The following ZFR variants were observed in gnomAD, a reference collection of about 807,000 sequenced individuals.
The protein encoded by ZFR is zinc finger RNA binding protein.
In ZFR, 19 loss-of-function variants were observed where a neutral mutation model predicts 130.7. The observed-to-expected ratio is 0.15, with a 90% CI of 0.10 to 0.21. The LOEUF is 0.21. Among genes scored for constraint, ZFR ranks in the 10% least tolerant of loss-of-function variants. The probability of loss-of-function intolerance (pLI) is 1.00; values close to 1 mark genes in which losing one functional copy is unlikely to be tolerated. For synonymous variants in ZFR, 466 were observed against 456.9 expected (o/e 1.02, Z -0.25); for missense variants, 872 against 1,321.5 (o/e 0.66, Z 5.27).
At chr5:32,373,790 C>A (rs1245495876) in intron 17 of ZFR, among the ~76,000 whole-genome samples, 2 of 151,952 alleles carry the variant, frequency 1.3e-5, no homozygotes, top group Non-Finnish European at 2.9e-5. Context: ...TACCAAAATA[C>A]TAATGTATTT....
At chr5:32,413,050 G>A (rs1301260656) in intron 5 of ZFR, among the ~76,000 whole-genome samples, 2 of 152,068 alleles carry the variant, frequency 1.3e-5, no homozygotes, top group African/African-American at 4.8e-5. Context: ...TTAGCCAGGC[G>A]TGGTGGCGCA....
intron 8 of ZFR, 46 bp downstream of exon 8, chr5:32,403,060 C>T (rs969030975): frequency 6.4e-7 from 1 of 1,574,068 alleles, no homozygotes; most frequent in African/African-American, 1.3e-5. Context: ...GGAGAAGAAA[C>T]AACACTTTGA....
chr5:32,380,361 A>G, intron 15 of ZFR, 189 bp from the exon 16 acceptor site: 1 of 456,624 alleles, frequency 2.2e-6, no homozygotes, highest in Non-Finnish European at 4.0e-6. Flanking sequence ...TTAACTTATT[A>G]ATTTAGTAAT....
intron 19 of ZFR, among the ~76,000 whole-genome samples, chr5:32,358,379 G>A (rs1395337021): frequency 6.6e-6 from 1 of 152,094 alleles, no homozygotes; most frequent in African/African-American, 2.4e-5. Context: ...GAAAATTTAA[G>A]GCCGGGCGCG....
At chr5:32,438,218 T>A (rs1181603171) in intron 2 of ZFR, among the ~76,000 whole-genome samples, 1 of 148,284 alleles carries the variant, frequency 6.7e-6, no homozygotes, top group Non-Finnish European at 1.5e-5. Context: ...AATTCAATAT[T>A]GATGAAACAA....
At chr5:32,393,859 G>A (rs1753235966) in intron 11 of ZFR, among the ~76,000 whole-genome samples, 1 of 151,974 alleles carries the variant, frequency 6.6e-6, no homozygotes, top group South Asian at 2.1e-4. Context: ...CAGTAATATC[G>A]CCTCAATAGG....
At chr5:32,408,047 C>T (rs1200530755) in intron 5 of ZFR, among the ~76,000 whole-genome samples, 2 of 149,466 alleles carry the variant, frequency 1.3e-5, no homozygotes, top group African/African-American at 2.6e-5. Flanking sequence ...TCAGTGCATG[C>T]TTTATTTTTA....
At chr5:32,387,499 A>G (rs1360630734) in intron 14 of ZFR, 50 bp downstream of exon 14, 1 of 1,591,280 alleles carries the variant, frequency 6.3e-7, no homozygotes, top group African/African-American at 1.4e-5. Context: ...TCCCGCCAAA[A>G]ACTTCTGAAC....
intron 2 of ZFR, among the ~76,000 whole-genome samples, chr5:32,429,597 G>A (rs1486190406): frequency 6.6e-6 from 1 of 152,094 alleles, no homozygotes; most frequent in Non-Finnish European, 1.5e-5. Flanking sequence ...GAAATGCATG[G>A]GACCAGAAGT....
chr5:32,427,297 A>G (rs2111841840), intron 2 of ZFR, among the ~76,000 whole-genome samples: 1 of 145,428 alleles, frequency 6.9e-6, no homozygotes, highest in East Asian at 2.2e-4. Context: ...GGTGGCTGGG[A>G]TCACCTGAGC....
At chr5:32,373,306 T>C (rs978683129) in intron 17 of ZFR, among the ~76,000 whole-genome samples, 6 of 152,048 alleles carry the variant, frequency 3.9e-5, no homozygotes, top group Admixed American at 2.0e-4. Flanking sequence ...CACAGGAGAA[T>C]TGCTTGAACC....
chr5:32,440,299 C>G (rs116358376), intron 2 of ZFR, among the ~76,000 whole-genome samples: 99 of 152,294 alleles, frequency 6.5e-4, no homozygotes, highest in Non-Finnish European at 1.2e-3. Flanking sequence ...GAAACGTACA[C>G]ATGTAAACAC....
chr5:32,426,878 C>T (rs1754084965), intron 2 of ZFR, among the ~76,000 whole-genome samples: 1 of 141,408 alleles, frequency 7.1e-6, no homozygotes, highest in Non-Finnish European at 1.5e-5. Context: ...GCACTCCAGC[C>T]TGGATGACAA....
At chr5:32,379,411 C>A in intron 16 of ZFR, 2 of 581,368 alleles carry the variant, frequency 3.4e-6, no homozygotes, top group South Asian at 1.9e-5. Context: ...GTATTTAGGT[C>A]AAAGTAAACA....
intron 5 of ZFR, among the ~76,000 whole-genome samples, chr5:32,408,843 A>C (rs1753637734): frequency 6.6e-6 from 1 of 152,182 alleles, no homozygotes; most frequent in African/African-American, 2.4e-5. Context: ...CTATTATCAC[A>C]CTTTCTATCT....
At chr5:32,380,270 T>C (rs1332040916) in intron 15 of ZFR, 98 bp from the exon 16 acceptor site, 1 of 756,216 alleles carries the variant, frequency 1.3e-6, no homozygotes, top group Non-Finnish European at 2.2e-6. Context: ...ACATGAGCCA[T>C]TTGAGAGCTT....
chr5:32,399,279 AAAAAC>A (rs1753388355), intron 9 of ZFR, among the ~76,000 whole-genome samples: 2 of 71,334 alleles, frequency 2.8e-5, no homozygotes, highest in Non-Finnish European at 6.7e-5. Context: ...TGTCTCAAAC[AAAAAC>A]AAAAACAAAA....
At chr5:32,421,665 T>C (rs774677341) in intron 2 of ZFR, among the ~76,000 whole-genome samples, 12 of 151,752 alleles carry the variant, frequency 7.9e-5, no homozygotes, top group Admixed American at 1.3e-4. Flanking sequence ...CTAGAACCAA[T>C]AGTTGGAAGT....
intron 2 of ZFR, among the ~76,000 whole-genome samples, chr5:32,443,663 G>T (rs1754522812): frequency 2.6e-5 from 4 of 152,280 alleles, no homozygotes; most frequent in Admixed American, 2.6e-4. Context: ...GCGATGGAGC[G>T]TCTGGGGAAG....
Sources: gnomAD v4.1 joint callset for allele counts (sites outside exome capture counted in the v4.1 genomes callset) on GRCh38, gnomAD v4.1.1 for gene constraint, MANE v1.5 for transcripts, NCBI Gene and HGNC (gene_info 2026-07-23, HGNC 2026-07-21) for gene names.